MPHOSPH10: variants seen among roughly 807,000 people sequenced by gnomAD.
MPHOSPH10 encodes U3 small nucleolar ribonucleoprotein MPP10.
MPHOSPH10 carries 33 observed loss-of-function variants against 77.3 expected under a neutral mutation model. That is an observed-to-expected ratio of 0.43 (90% CI 0.32 to 0.57). The LOEUF is 0.57. MPHOSPH10 is among the 20% of genes least tolerant of loss of function. MPHOSPH10 has a pLI of 0.07. For missense variants in MPHOSPH10, 708 were observed against 780.1 expected, an observed-to-expected ratio of 0.91 and a Z score of 1.10; for synonymous variants, 245 against 268.0, an observed-to-expected ratio of 0.91 and a Z score of 0.84.
intron 8 of MPHOSPH10, among the ~76,000 whole-genome samples, chr2:71,147,787 C>T (rs379272): frequency 5.3e-5 from 8 of 152,098 alleles, no homozygotes; most frequent in South Asian, 2.1e-4. Flanking sequence ...TCAGCACTGC[C>T]GTCATGCCAG....
chr2:71,138,343 G>A, intron 4 of MPHOSPH10, 147 bp from the exon 5 acceptor site: 1 of 651,312 alleles, frequency 1.5e-6, no homozygotes, highest in South Asian at 2.5e-5. Context: ...GAAATAGGAA[G>A]TCATCGACAG....
At chr2:71,132,777 T>A (rs1036159240) in intron 1 of MPHOSPH10, 121 bp from the exon 2 acceptor site, 2 of 1,304,128 alleles carry the variant, frequency 1.5e-6, no homozygotes, top group African/African-American at 3.0e-5. Context: ...GGGGCCAGAA[T>A]CTATACTTAT....
intron 10 of MPHOSPH10, 105 bp from the exon 11 acceptor site, chr2:71,149,761 A>T (rs1272530242): frequency 2.0e-6 from 2 of 1,001,960 alleles, no homozygotes; most frequent in African/African-American, 1.6e-5. Context: ...GTCCTTTTTC[A>T]TATTTATGGT....
intron 2 of MPHOSPH10, 69 bp from the exon 3 acceptor site, chr2:71,133,879 A>G (rs1359691562): frequency 1.8e-6 from 2 of 1,083,660 alleles, no homozygotes; most frequent in African/African-American, 3.2e-5. Context: ...TATACATGCA[A>G]ATCTATATGC....
chr2:71,139,859 T>G lies in MPHOSPH10; in HGVS notation c.1305T>G (p.Asp435Glu). The change falls in exon 6 of 11, where the codon GAT (aspartate) becomes GAG (glutamate). Residue 435 changes from aspartate to glutamate, a missense_variant. By Grantham distance (45) the Asp-to-Glu change is conservative. Around this residue, in one of 3 missense-constraint regions of MPHOSPH10, gnomAD observed 263 missense variants for 320.0 expected, o/e 0.82. Coordinates refer to ENST00000244230, the MANE Select transcript of MPHOSPH10 (RefSeq NM_005791.3). Reference protein sequence around the residue: ...LEDIIKQRIRDQAWDDVVRKE... With the variant: ...LEDIIKQRIREQAWDDVVRKE... ...ATATCATTAAACAGAGGATAAGAGATCAGGTCAGTAAGAATTAAATTTAAC... is the reference window on the plus strand; with the variant it reads ...ATATCATTAAACAGAGGATAAGAGAGCAGGTCAGTAAGAATTAAATTTAAC... The G allele has an allele frequency of 1.9e-6, 3 of 1,595,236 alleles. No individual in the cohort carries two copies. The highest frequency in any genetic ancestry group is 2.6e-6 in the Non-Finnish European group (3 of 1,169,442).
chr2:71,139,773 A>G (rs747947639), intron 5 of MPHOSPH10, 22 bp from the exon 6 acceptor site: 2 of 1,566,262 alleles, frequency 1.3e-6, no homozygotes, highest in Non-Finnish European at 1.8e-6. Flanking sequence ...TACCTAATGA[A>G]TAAACGTTGT....
intron 1 of MPHOSPH10, 114 bp from the exon 2 acceptor site, chr2:71,132,778 CTATACT>C (rs1250671841): frequency 3.6e-5 from 47 of 1,308,494 alleles, no homozygotes; most frequent in Non-Finnish European, 4.2e-5. Flanking sequence ...GGGCCAGAAT[CTATACT>C]TATACTTCAT....
chr2:71,148,259 A>G, intron 9 of MPHOSPH10, 153 bp downstream of exon 9: 1 of 605,976 alleles, frequency 1.7e-6, no homozygotes, highest in South Asian at 2.1e-5. Flanking sequence ...GTAATGTTAT[A>G]ATATTCAAAT....
At position 71,138,690 on chromosome 2, in the gene MPHOSPH10, A is replaced by G. The variant is rs777871783; in HGVS notation, c.1240+59A>G. The G allele has an allele frequency of 3.1e-6, 5 of 1,606,836 alleles. No homozygotes were observed. In the African/African-American group the frequency reaches 5.3e-5, roughly 17 times the overall value. On this transcript the variant is annotated intron_variant, in intron 5 of 10. Transcript: ENST00000244230. ...TGCTTTTTCCATGGTTCCATTTCAT[A>G]CAAAGATTTGGGGTGGTGTTTCTTT...
chr2:71,149,825 G>A (rs746724476), intron 10 of MPHOSPH10, 41 bp from the exon 11 acceptor site: 54 of 1,490,526 alleles, frequency 3.6e-5, no homozygotes, highest in Non-Finnish European at 4.5e-5. Flanking sequence ...TCACTTATAA[G>A]TACATTTTAC....
At chr2:71,138,293 G>T (rs1673533990) in intron 4 of MPHOSPH10, among the ~76,000 whole-genome samples, 197 bp from the exon 5 acceptor site, 1 of 152,092 alleles carries the variant, frequency 6.6e-6, no homozygotes, top group South Asian at 2.1e-4. Context: ...AATTAATCAG[G>T]AAAAGAAATT....
At position 71,133,319 on chromosome 2, in the gene MPHOSPH10, T is replaced by A; in HGVS notation, c.511T>A (p.Ser171Thr). 1 of 1,614,132 alleles carries A rather than the reference T, an allele frequency of 6.2e-7. No individual in the cohort carries two copies. Among genetic ancestry groups the A allele is most frequent in the Non-Finnish European group, 8.5e-7 (1 of 1,180,004 alleles). Residue 171 changes from serine to threonine, a missense_variant, in exon 2 of 11, where the codon TCT becomes ACT. This residue lies in a region of MPHOSPH10 where 433 missense variants were observed against 432.6 expected (regional missense o/e 1.00). Coordinates refer to ENST00000244230, the MANE Select transcript of MPHOSPH10 (RefSeq NM_005791.3). ...RKSPVFSDED[S>T]DLDFDISKLE... ...AAGCCCCGTTTTCAGTGATGAGGAT[T>A]CTGACCTTGACTTTGATATCAGCAA...
In MPHOSPH10 at chr2:71,140,359, A is replaced by G. The variant is rs534549066; in HGVS notation, c.1308+497A>G. 4.1e-4 allele frequency among the ~76,000 whole-genome samples: 63 copies of G among 152,354 alleles called. 1 individual carries two copies. The highest frequency in any genetic ancestry group is 1.3e-3 in the African/African-American group (55 of 41,588). ...GAGTCCCAAGGTGGTGCAGGGCATC[A>G]CATGGTGAAAGGGCTGAGCATGCTA... On this transcript the variant is annotated intron_variant, in intron 6 of 10. Transcript: ENST00000244230.
At chr2:71,143,491 A>G (rs1029501911) in intron 7 of MPHOSPH10, among the ~76,000 whole-genome samples, 4 of 152,196 alleles carry the variant, frequency 2.6e-5, no homozygotes, top group African/African-American at 9.7e-5. Context: ...ATAACATAAA[A>G]TGAACCACTT....
Position 71,133,226 on chromosome 2 carries a change from G to T in MPHOSPH10, c.418G>T (p.Asp140Tyr). ...LEDLEEEEVS[D>Y]MGNDDPEMGE... ...AGATTTAGAGGAGGAGGAAGTGTCC[G>T]ACATGGGTAATGATGATCCTGAAAT... Residue 140 changes from aspartate (D) to tyrosine (Y), a missense_variant, in exon 2 of 11, where the codon GAC becomes TAC. Coordinates refer to ENST00000244230, the MANE Select transcript of MPHOSPH10 (RefSeq NM_005791.3). The T allele has an allele frequency of 6.2e-7, 1 of 1,614,142 alleles. No homozygotes were observed. Among genetic ancestry groups the T allele is most frequent in the Non-Finnish European group, 8.5e-7 (1 of 1,180,026 alleles).
At chr2:71,137,046 C>T (rs1673510363) in intron 4 of MPHOSPH10, among the ~76,000 whole-genome samples, 1 of 151,446 alleles carries the variant, frequency 6.6e-6, no homozygotes, top group South Asian at 2.1e-4. Context: ...GAACCTTATT[C>T]TCTTGAATCA....
intron 6 of MPHOSPH10, 80 bp downstream of exon 6, chr2:71,139,942 A>C: frequency 1.0e-6 from 1 of 994,480 alleles, no homozygotes; most frequent in Non-Finnish European, 1.5e-6. Flanking sequence ...TGAGAGTAGG[A>C]CTATTGCTTT....
Position 71,141,252 on chromosome 2 carries a change from TA to T in MPHOSPH10, c.1332del (p.Glu445LysfsTer14). ...RDQAWDDVVR[K>X]EKPKEDAYEY... ...TTCAGGCTTGGGATGATGTAGTACG[TA>T]AAGAAAAACCTAAAGAGGATGCATA... On this transcript the variant is annotated frameshift_variant, in exon 7 of 11. Coordinates refer to ENST00000244230, the MANE Select transcript of MPHOSPH10 (RefSeq NM_005791.3). LOFTEE classifies it high-confidence loss of function. The T allele has an allele frequency of 6.5e-7, 1 of 1,527,548 alleles. No homozygotes were observed. Among genetic ancestry groups the T allele is most frequent in the South Asian group, 1.3e-5 (1 of 74,372 alleles). The allele number at this position is 1,527,548 out of a possible 1,614,324, so 94.6% of individuals were successfully genotyped here.
rs139115611 is a variant in MPHOSPH10, at chr2:71,149,798, A to G, written c.1897-68A>G. Reference sequence around the variant, plus strand: ...GCATACATTGTTGTAATGGTGATGTACTATTTTTGGCTTTTTTCACTTATA... The same window carrying G: ...GCATACATTGTTGTAATGGTGATGTGCTATTTTTGGCTTTTTTCACTTATA... On this transcript the variant is annotated intron_variant, in intron 10 of 10. Transcript: ENST00000244230. 266 of 1,304,868 alleles carry G rather than the reference A, an allele frequency of 2.0e-4. No individual in the cohort carries two copies. In the East Asian group the frequency reaches 5.3e-3, roughly 26 times the overall value. 80.8% of individuals were successfully genotyped at this position (1,304,868 alleles called of 1,614,324 possible). A position where few individuals can be genotyped will look rare whatever the true frequency, so the allele number is the denominator to read the frequency against.
Sources: allele counts gnomAD v4.1 joint callset (sites outside exome capture counted in the v4.1 genomes callset), GRCh38; gene constraint gnomAD v4.1.1; regional missense constraint gnomAD v4.1.1; transcripts MANE v1.5; gene names NCBI Gene and HGNC (gene_info 2026-07-23, HGNC 2026-07-21).